Variants in FCHO1 observed in about 807,000 individuals in gnomAD.
FCHO1 encodes the protein FCH and mu domain containing endocytic adaptor 1.
FCHO1 carries 45 observed loss-of-function variants against 114.4 expected under a neutral mutation model. That is an observed-to-expected ratio of 0.39 (90% CI 0.31 to 0.50). The LOEUF (loss-of-function observed/expected upper bound fraction) is 0.50. Among genes scored for constraint, FCHO1 ranks in the 20% least tolerant of loss-of-function variants. The pLI is 0.77. For synonymous variants in FCHO1, 480 were observed against 488.9 expected (o/e 0.98, Z 0.24); for missense variants, 1,042 against 1,209.6 (o/e 0.86, Z 2.06).
Position 17,784,978 on chromosome 19 carries a change from G to T in FCHO1, c.2426+54G>T. Reference sequence around the variant, plus strand: ...CTCAGCAGTTTCCCCCATAACCCCAGACCTTCTCCCTGATGCATTGATTAA... The same window carrying T: ...CTCAGCAGTTTCCCCCATAACCCCATACCTTCTCCCTGATGCATTGATTAA... On this transcript the variant is annotated intron_variant, in intron 26 of 28. Coordinates refer to ENST00000596536, the MANE Select transcript of FCHO1 (RefSeq NM_015122.3). The surrounding 1 kb of genome is among the most constrained non-coding windows in gnomAD (Gnocchi z 5.3). The T allele has an allele frequency of 5.1e-6, 8 of 1,564,044 alleles. No homozygotes were observed. The highest frequency in any genetic ancestry group is 7.0e-6 in the Non-Finnish European group (8 of 1,149,094).
upstream of FCHO1, among the ~76,000 whole-genome samples, chr19:17,748,692 T>C (rs1379559537): frequency 6.6e-6 from 1 of 152,162 alleles, no homozygotes; most frequent in Non-Finnish European, 1.5e-5. Flanking sequence ...CTGCCCCAGC[T>C]GCACTGGGGA....
intron 7 of FCHO1, among the ~76,000 whole-genome samples, chr19:17,768,200 T>C (rs1363191193): frequency 1.3e-5 from 2 of 152,052 alleles, no homozygotes; most frequent in African/African-American, 4.8e-5. Flanking sequence ...TCCCAGGTAG[T>C]TGGGATTACA....
At chr19:17,774,542 T>C (rs1032686865) in intron 13 of FCHO1, 64 bp downstream of exon 13, 3 of 1,371,830 alleles carry the variant, frequency 2.2e-6, no homozygotes, top group African/African-American at 2.9e-5. Flanking sequence ...CTGCCCAGGC[T>C]ATCCCAGAAG....
Position 17,787,676 on chromosome 19 carries a change from C to A in FCHO1, c.2483-6C>A, listed in dbSNP as rs371495765. The A allele has an allele frequency of 3.2e-6, 5 of 1,551,768 alleles. No individual in the cohort carries two copies. Among genetic ancestry groups the A allele is most frequent in the African/African-American group, 1.4e-5 (1 of 73,502 alleles). On this transcript the variant is annotated splice_polypyrimidine_tract_variant and splice_region_variant and intron_variant, in intron 27 of 28. Coordinates refer to ENST00000596536, the MANE Select transcript of FCHO1 (RefSeq NM_015122.3). Reference sequence around the variant, plus strand: ...CCAGGGCGCAGCTGACTGCAGGTCTCCCCAGGTTCTGGCCGCCTCTCTGCC... The same window carrying A: ...CCAGGGCGCAGCTGACTGCAGGTCTACCCAGGTTCTGGCCGCCTCTCTGCC...
At position 17,776,334 on chromosome 19, in the gene FCHO1, C is replaced by T; in HGVS notation, c.1207+63C>T. ...AAGGAAGGGAGGCTATGGGTTTGGG[C>T]TTGAATCATAACTCCGTTTTGTAAC... On this transcript the variant is annotated intron_variant, in intron 17 of 28. Coordinates refer to ENST00000596536, the MANE Select transcript of FCHO1 (RefSeq NM_015122.3). This position sits in a 1 kb window ranked among gnomAD's most constrained non-coding sequence, Gnocchi z 4.4. The T allele has an allele frequency of 1.9e-6, 3 of 1,601,088 alleles. No individual in the cohort carries two copies. The highest frequency in any genetic ancestry group is 2.6e-6 in the Non-Finnish European group (3 of 1,168,194).
intron 4 of FCHO1, 63 bp from the exon 5 acceptor site, chr19:17,762,699 C>T (rs1425245565): frequency 1.6e-6 from 2 of 1,248,364 alleles, no homozygotes; most frequent in Non-Finnish European, 2.4e-6. Context: ...GCCACGCCCC[C>T]GTTGCTAAGC....
intron 26 of FCHO1, among the ~76,000 whole-genome samples, chr19:17,785,128 G>A (rs982956825): frequency 2.0e-5 from 3 of 152,188 alleles, no homozygotes; most frequent in African/African-American, 7.2e-5. Flanking sequence ...GCTGAGGTGG[G>A]AGGATCACTT....
intron 6 of FCHO1, among the ~76,000 whole-genome samples, chr19:17,765,394 G>C (rs2088503213): frequency 6.6e-6 from 1 of 151,880 alleles, no homozygotes; most frequent in African/African-American, 2.4e-5. Context: ...CCTTGTGCCC[G>C]GGCGCGGTGG....
intron 4 of FCHO1, 95 bp from the exon 5 acceptor site, chr19:17,762,667 G>C (rs1299628525): frequency 5.6e-6 from 5 of 886,158 alleles, no homozygotes; most frequent in Non-Finnish European, 9.7e-6. Context: ...CTACAGCCAA[G>C]GGGATGGACT....
chr19:17,782,662 T>G (rs749861146), intron 23 of FCHO1, among the ~76,000 whole-genome samples: 1 of 152,108 alleles, frequency 6.6e-6, no homozygotes. Context: ...GGGGTGGCCT[T>G]CAGCAGAAAA....
upstream of FCHO1, among the ~76,000 whole-genome samples, chr19:17,749,440 G>A (rs1435022630): frequency 2.0e-5 from 3 of 152,120 alleles, no homozygotes; most frequent in Non-Finnish European, 2.9e-5. Context: ...TCTTTAAATC[G>A]GGTCACAGCT....
intron 4 of FCHO1, among the ~76,000 whole-genome samples, chr19:17,756,233 C>T (rs112106328): frequency 4.6e-5 from 7 of 152,292 alleles, no homozygotes; most frequent in African/African-American, 1.7e-4. Context: ...GTGTGACCTC[C>T]GCCCTCTCTC....
Position 17,778,683 on chromosome 19 carries a change from G to C in FCHO1, c.1426G>C (p.Gly476Arg). 2 of 1,564,400 alleles carry C rather than the reference G, an allele frequency of 1.3e-6. No homozygotes were observed. The highest frequency in any genetic ancestry group is 1.7e-6 in the Non-Finnish European group (2 of 1,159,568). The stretch of plus-strand genomic sequence containing the variant: ...GTCGCCCGAAAACGTGGAGGATTCC[G>C]GCCTGGACTCTCCGTCCCACGCGGC... Reference protein sequence around the residue: ...SSSPENVEDSGLDSPSHAAPG... With the variant: ...SSSPENVEDSRLDSPSHAAPG... The change falls in exon 20 of 29, where the codon GGC becomes CGC. Residue 476 changes from glycine to arginine, a missense_variant. Coordinates refer to ENST00000596536, the MANE Select transcript of FCHO1 (RefSeq NM_015122.3).
In FCHO1 at chr19:17,778,047, A is replaced by T. The variant is rs528680124; in HGVS notation, c.1260-90A>T. On this transcript the variant is annotated intron_variant, in intron 18 of 28. Coordinates refer to ENST00000596536, the MANE Select transcript of FCHO1 (RefSeq NM_015122.3). ...GAGCAAGACTCCGTCTCAAAAAAAA[A>T]AAAGACTGGGAACAGCATGTGCAAA... 253 of 916,182 alleles carry T rather than the reference A, an allele frequency of 2.8e-4. 6 individuals carry two copies. In the South Asian group the frequency reaches 3.6e-3, roughly 13 times the overall value. 56.8% of individuals were successfully genotyped at this position (916,182 alleles called of 1,614,324 possible). A position where few individuals can be genotyped will look rare whatever the true frequency, so the allele number is the denominator to read the frequency against.
intron 4 of FCHO1, among the ~76,000 whole-genome samples, chr19:17,760,327 A>T (rs1339137989): frequency 6.6e-6 from 1 of 152,110 alleles, no homozygotes; most frequent in Non-Finnish European, 1.5e-5. Context: ...CTGGGACTAC[A>T]GGTGTGAGGC....
chr19:17,757,599 A>G (rs1216928454), intron 4 of FCHO1, among the ~76,000 whole-genome samples: 1 of 152,180 alleles, frequency 6.6e-6, no homozygotes, highest in Non-Finnish European at 1.5e-5. Flanking sequence ...TTGAACTTTG[A>G]AAATATAATT....
At position 17,766,657 on chromosome 19, in the gene FCHO1, G is replaced by A. The variant is rs1394668821; in HGVS notation, c.195-12G>A. Reference sequence around the variant, plus strand: ...CCTGATGAACCCTGGGTGTGACCTTGCCCGCCCCCAGGACCTTCGCCCCGC... The same window carrying A: ...CCTGATGAACCCTGGGTGTGACCTTACCCGCCCCCAGGACCTTCGCCCCGC... On this transcript the variant is annotated splice_polypyrimidine_tract_variant and intron_variant, in intron 6 of 28. Coordinates refer to ENST00000596536, the MANE Select transcript of FCHO1 (RefSeq NM_015122.3). The A allele has an allele frequency of 4.3e-6, 7 of 1,613,794 alleles. No individual in the cohort carries two copies. In the African/African-American group the frequency reaches 8.0e-5, roughly 18 times the overall value.
At chr19:17,772,027 T>C (rs2091733089) in intron 9 of FCHO1, among the ~76,000 whole-genome samples, 1 of 152,162 alleles carries the variant, frequency 6.6e-6, no homozygotes, top group African/African-American at 2.4e-5. Context: ...CCCAGACTGG[T>C]CTTGAATTCC....
intron 9 of FCHO1, among the ~76,000 whole-genome samples, chr19:17,771,128 C>T (rs996330012): frequency 6.6e-6 from 1 of 152,052 alleles, no homozygotes; most frequent in Non-Finnish European, 1.5e-5. Flanking sequence ...TGGCAGGTGC[C>T]TGTAATCCCA....
Sources: gnomAD v4.1 joint callset for allele counts (sites outside exome capture counted in the v4.1 genomes callset) on GRCh38, gnomAD v4.1.1 for gene constraint, Gnocchi (gnomAD v3.1) non-coding constraint, MANE v1.5 for transcripts, NCBI Gene and HGNC (gene_info 2026-07-23, HGNC 2026-07-21) for gene names.